Variants in NTN4 observed in about 807,000 individuals in gnomAD.
NTN4 encodes the protein netrin 4.
In NTN4, 32 loss-of-function variants were observed where a neutral mutation model predicts 73.6. The ratio of observed to expected loss-of-function variants is 0.44; its 90% CI spans 0.33 to 0.58. NTN4 has a LOEUF of 0.58. Among genes scored for constraint, NTN4 ranks in the 20% least tolerant of loss-of-function variants. The pLI, the probability that NTN4 is intolerant of heterozygous loss-of-function variation, is 0.04. For synonymous variants in NTN4, 258 were observed against 287.5 expected (o/e 0.90, Z 1.04); for missense variants, 654 against 798.3 (o/e 0.82, Z 2.18).
At chr12:95,739,484 G>A (rs1276138394) in intron 2 of NTN4, among the ~76,000 whole-genome samples, 1 of 152,130 alleles carries the variant, frequency 6.6e-6, no homozygotes, top group African/African-American at 2.4e-5. Context: ...AGTCAGTACA[G>A]AAGTAACATC....
At chr12:95,665,721 T>G in intron 9 of NTN4, 89 bp downstream of exon 9, 6 of 971,884 alleles carry the variant, frequency 6.2e-6, no homozygotes, top group South Asian at 2.1e-5. Flanking sequence ...CTTGCTGAGT[T>G]TGTTTATGTT....
At chr12:95,676,167 G>T (rs1021934532) in intron 7 of NTN4, among the ~76,000 whole-genome samples, 1 of 152,134 alleles carries the variant, frequency 6.6e-6, no homozygotes, top group Non-Finnish European at 1.5e-5. Flanking sequence ...GCAGTAGCCT[G>T]ATCTCACTTT....
At chr12:95,679,578 T>C (rs1284902119) in intron 7 of NTN4, among the ~76,000 whole-genome samples, 1 of 152,182 alleles carries the variant, frequency 6.6e-6, no homozygotes, top group East Asian at 1.9e-4. Context: ...CTCACATCCC[T>C]ATTTACCCAG....
At chr12:95,785,104 G>A (rs2121304183) in intron 2 of NTN4, among the ~76,000 whole-genome samples, 1 of 151,188 alleles carries the variant, frequency 6.6e-6, no homozygotes, top group Non-Finnish European at 1.5e-5. Flanking sequence ...ACAAGGCCCA[G>A]TAGAGATTAC....
chr12:95,705,566 T>C (rs1237037453), intron 5 of NTN4, among the ~76,000 whole-genome samples: 1 of 152,216 alleles, frequency 6.6e-6, no homozygotes, highest in Non-Finnish European at 1.5e-5. Flanking sequence ...CAAATCCTGT[T>C]GATTTTTCTC....
In NTN4 at chr12:95,790,541, T is replaced by TC; in HGVS notation, c.-233_-232insG. On this transcript the variant is annotated 5_prime_UTR_variant, in exon 1 of 10. The change abolishes the stop of an existing upstream ORF in the 5' untranslated region. Transcript: ENST00000343702. The surrounding 1 kb of genome is among the most constrained non-coding windows in gnomAD (Gnocchi z 6.5). ...ACCGGCCTGGCGGGTCCCGGGCACCTGGGGGGCGGCGGGAGCCCCGGGACC... is the reference window on the plus strand; with the variant it reads ...ACCGGCCTGGCGGGTCCCGGGCACCTCGGGGGGCGGCGGGAGCCCCGGGACC... 1 of 345,238 alleles carries TC rather than the reference T, an allele frequency of 2.9e-6. No individual in the cohort carries two copies. The highest frequency in any genetic ancestry group is 4.8e-5 in the Admixed American group (1 of 20,798). 21.4% of individuals were successfully genotyped at this position (345,238 alleles called of 1,614,324 possible). A position where few individuals can be genotyped will look rare whatever the true frequency, so the allele number is the denominator to read the frequency against.
intron 7 of NTN4, chr12:95,672,328 GATCCAGCATGGAGAGTGCATGGAA>G: frequency 1.3e-6 from 1 of 786,460 alleles, no homozygotes; most frequent in South Asian, 1.3e-5. Context: ...AACTGGTGCT[GATCCAGCATGGAGAGTGCATGGAA>G]CCTGGAGATC....
At chr12:95,670,345 A>T (rs1049318402) in intron 7 of NTN4, 199 bp from the exon 8 acceptor site, 1 of 410,460 alleles carries the variant, frequency 2.4e-6, no homozygotes, top group Non-Finnish European at 4.3e-6. Flanking sequence ...CTTCCAATAA[A>T]GTATTCATCC....
At chr12:95,738,860 A>C (rs1379450133) in intron 2 of NTN4, among the ~76,000 whole-genome samples, 1 of 152,176 alleles carries the variant, frequency 6.6e-6, no homozygotes, top group African/African-American at 2.4e-5. Context: ...TGGCCTCTGC[A>C]GCTCATGGTC....
At chr12:95,716,976 AT>A (rs2078610661) in intron 3 of NTN4, among the ~76,000 whole-genome samples, 1 of 151,692 alleles carries the variant, frequency 6.6e-6, no homozygotes, top group Non-Finnish European at 1.5e-5. Context: ...TGCCCAGCTA[AT>A]TTTTGTATTT....
rs780607758 is a variant in NTN4, at chr12:95,787,030, G to A, written c.494C>T (p.Ser165Phe). 5 of 1,614,152 alleles carry A rather than the reference G, an allele frequency of 3.1e-6. No individual in the cohort carries two copies. The highest frequency in any genetic ancestry group is 1.7e-4 in the Middle Eastern group (1 of 6,060). Residue 165 changes from serine to phenylalanine, a missense_variant, in exon 2 of 10, where the codon TCC (serine) becomes TTC (phenylalanine). By Grantham distance (155) the Ser-to-Phe change is radical (BLOSUM62 -2). Coordinates refer to ENST00000343702, the MANE Select transcript of NTN4 (RefSeq NM_021229.4). ...KPYKYFATNC[S>F]ATFGLEDDVV... Reference sequence around the variant, plus strand: ...ATCATCTTCCAGGCCAAATGTAGCGGAGCAGTTAGTCGCAAAGTACTTATA... The same window carrying A: ...ATCATCTTCCAGGCCAAATGTAGCGAAGCAGTTAGTCGCAAAGTACTTATA...
chr12:95,684,476 T>A (rs554932957), intron 5 of NTN4, among the ~76,000 whole-genome samples: 34 of 116,728 alleles, frequency 2.9e-4, no homozygotes, highest in East Asian at 9.5e-4. Flanking sequence ...TTAAAAAAAA[T>A]TTTTTTTTTT....
chr12:95,708,651 C>T lies in NTN4; in HGVS notation c.1180+1790G>A, dbSNP rs527578918. 6.6e-5 allele frequency among the ~76,000 whole-genome samples: 10 copies of T among 152,230 alleles called. No individual in the cohort carries two copies. The South Asian group carries it at 1.7e-3, about 25-fold the overall frequency. The stretch of plus-strand genomic sequence containing the variant: ...CTCAAACTCCTCGGCTCAAGTGATC[C>T]TCCCACCTCAGCCTCCCAGAGTGCT... On this transcript the variant is annotated intron_variant, in intron 5 of 9. Coordinates refer to ENST00000343702, the MANE Select transcript of NTN4 (RefSeq NM_021229.4).
chr12:95,714,947 G>T (rs183113689), intron 3 of NTN4, among the ~76,000 whole-genome samples: 1 of 152,200 alleles, frequency 6.6e-6, no homozygotes, highest in Non-Finnish European at 1.5e-5. Flanking sequence ...CCTGAAAACA[G>T]CCACACCGAT....
At chr12:95,706,178 CTT>C (rs1225783263) in intron 5 of NTN4, among the ~76,000 whole-genome samples, 4 of 152,074 alleles carry the variant, frequency 2.6e-5, no homozygotes, top group Non-Finnish European at 5.9e-5. Flanking sequence ...CTTTCATACT[CTT>C]TTTATAAAAC....
chr12:95,725,412 G>A (rs143161343), intron 3 of NTN4, among the ~76,000 whole-genome samples: 189 of 152,196 alleles, frequency 1.2e-3, no homozygotes, highest in African/African-American at 4.1e-3. Flanking sequence ...CTTTTCACCC[G>A]TTAAGATTCA....
intron 3 of NTN4, among the ~76,000 whole-genome samples, chr12:95,734,117 C>T (rs2078758743): frequency 6.6e-6 from 1 of 151,300 alleles, no homozygotes; most frequent in Non-Finnish European, 1.5e-5. Flanking sequence ...AATGAGGCTC[C>T]TAGTTTGAAT....
intron 2 of NTN4, among the ~76,000 whole-genome samples, chr12:95,782,275 C>A (rs1226889354): frequency 6.6e-6 from 1 of 152,046 alleles, no homozygotes; most frequent in Non-Finnish European, 1.5e-5. Context: ...GAGCCTTACC[C>A]TCTTTAATAA....
rs200802398 is a variant in NTN4 at position 95,683,758 on chromosome 12, C to T, written c.1181-47G>A. ...AGGATCAAAGACTGACTGTAGATCA[C>T]CCGTGTGAACATTAGGCTTGACCAT... On this transcript the variant is annotated intron_variant, in intron 5 of 9. Transcript: ENST00000343702. 8.2e-6 allele frequency: 12 copies of T among 1,466,192 alleles called. No homozygotes were observed. In the African/African-American group the frequency reaches 1.5e-4, roughly 19 times the overall value. The allele number at this position is 1,466,192 out of a possible 1,614,324, so 90.8% of individuals were successfully genotyped here. A position where few individuals can be genotyped will look rare whatever the true frequency, so the allele number is the denominator to read the frequency against.
Sources: gnomAD v4.1 joint callset for allele counts (sites outside exome capture counted in the v4.1 genomes callset) on GRCh38, gnomAD v4.1.1 for gene constraint, Gnocchi (gnomAD v3.1) non-coding constraint, MANE v1.5 for transcripts, NCBI Gene and HGNC (gene_info 2026-07-23, HGNC 2026-07-21) for gene names.